The following KLHL31 variants were observed in gnomAD, a reference collection of about 807,000 sequenced individuals.
KLHL31 encodes the protein kelch like family member 31.
A neutral mutation model predicts 47.1 loss-of-function variants in KLHL31; 32 were observed. The observed-to-expected ratio is 0.68, with a 90% CI of 0.51 to 0.91. KLHL31 has a LOEUF of 0.91. Ranked by LOEUF, KLHL31 falls within the 40% of genes least tolerant of loss-of-function variation. KLHL31 has a pLI of 0.00. For missense variants in KLHL31, 797 were observed against 819.3 expected (o/e 0.97, Z 0.33); for synonymous variants, 330 against 325.1 (o/e 1.01, Z -0.16).
chr6:53,660,009 C>T (rs1262143293), intron 1 of KLHL31, among the ~76,000 whole-genome samples: 1 of 152,160 alleles, frequency 6.6e-6, no homozygotes, highest in Non-Finnish European at 1.5e-5. Context: ...TAGTCTCTTG[C>T]GCTTGTCCTA....
Position 53,651,422 on chromosome 6 carries a change from G to T in KLHL31, c.*176C>A. ...GCTAAAAAAAAAAAAAAAAAAAAGA[G>T]GTAGATTATGCCATACCAGGAATTT... On this transcript the variant is annotated 3_prime_UTR_variant, in exon 3 of 3. Transcript: ENST00000370905. 2.0e-5 allele frequency: 1 copy of T among 48,972 alleles called. No homozygotes were observed. Among genetic ancestry groups the T allele is most frequent in the Non-Finnish European group, 3.7e-5 (1 of 26,972 alleles). The allele number at this position is 48,972 out of a possible 1,614,324, so 3.0% of individuals were successfully genotyped here. A position where few individuals can be genotyped will look rare whatever the true frequency, so the allele number is the denominator to read the frequency against.
At position 53,665,738 on chromosome 6, in the gene KLHL31, C is replaced by G. The variant is rs1187339181; in HGVS notation, c.-171G>C. On this transcript the variant is annotated 5_prime_UTR_variant, in exon 1 of 3. Coordinates refer to ENST00000370905, the MANE Select transcript of KLHL31 (RefSeq NM_001003760.5). ...AGCCACCAGCAGCCACCTGACAAGA[C>G]CCGGCTGCAGCAATTTTTAGAGTGA... The G allele has an allele frequency of 6.6e-6, 1 of 152,268 alleles. No individual in the cohort carries two copies. The highest frequency in any genetic ancestry group is 2.4e-5 in the African/African-American group (1 of 41,400). The allele number at this position is 152,268 out of a possible 1,614,324, so 9.4% of individuals were successfully genotyped here.
rs1554164424 is a variant in KLHL31 at position 53,648,457 on chromosome 6, A to G, written c.*3141T>C. The stretch of plus-strand genomic sequence containing the variant: ...CTTGGCCAGGATAACCAGCAAAAAA[A>G]TAAAATTAAAAAATTGACCTTTTAG... On this transcript the variant is annotated 3_prime_UTR_variant, in exon 3 of 3. Coordinates refer to ENST00000370905, the MANE Select transcript of KLHL31 (RefSeq NM_001003760.5). 2 of 152,214 alleles carry G rather than the reference A, an allele frequency of 1.3e-5. No individual in the cohort carries two copies. Among genetic ancestry groups the G allele is most frequent in the African/African-American group, 4.8e-5 (2 of 41,464 alleles). 9.4% of individuals were successfully genotyped at this position (152,214 alleles called of 1,614,324 possible).
chr6:53,660,282 G>A (rs1182113238), intron 1 of KLHL31, among the ~76,000 whole-genome samples: 4 of 152,112 alleles, frequency 2.6e-5, no homozygotes, highest in South Asian at 2.1e-4. Context: ...GTTGTTGGGT[G>A]TAATGTTCTA....
At chr6:53,662,377 A>G (rs1016590161) in intron 1 of KLHL31, among the ~76,000 whole-genome samples, 1 of 152,186 alleles carries the variant, frequency 6.6e-6, no homozygotes, top group African/African-American at 2.4e-5. Context: ...TGGAAGGAGG[A>G]GCAGGTTTAG....
At chr6:53,662,446 C>T (rs1219681813) in intron 1 of KLHL31, among the ~76,000 whole-genome samples, 3 of 152,212 alleles carry the variant, frequency 2.0e-5, no homozygotes, top group African/African-American at 4.8e-5. Flanking sequence ...CTGCCAGTCC[C>T]TTCCCTTTTT....
chr6:53,659,207 G>A (rs1764612840), intron 1 of KLHL31, among the ~76,000 whole-genome samples: 1 of 152,078 alleles, frequency 6.6e-6, no homozygotes, highest in African/African-American at 2.4e-5. Flanking sequence ...AGGCAATATG[G>A]GACAGTCACA....
At position 53,654,296 on chromosome 6, in the gene KLHL31, C is replaced by T; in HGVS notation, c.977G>A (p.Gly326Asp). Residue 326 changes from glycine (G) to aspartate (D), a missense_variant, in exon 2 of 3, where the codon GGC (glycine) becomes GAC (aspartate). Coordinates refer to ENST00000370905, the MANE Select transcript of KLHL31 (RefSeq NM_001003760.5). ...TCTGCTAAGGGACTTCTCAGTAAGGCCTGGGCGTCCCCCAACAGTGACGAG... is the reference window on the plus strand; with the variant it reads ...TCTGCTAAGGGACTTCTCAGTAAGGTCTGGGCGTCCCCCAACAGTGACGAG... ...RVLVTVGGRP[G>D]LTEKSLSRDI... is the part of the protein sequence containing the mutation. 1.2e-6 allele frequency: 2 copies of T among 1,614,172 alleles called. No individual in the cohort carries two copies. The highest frequency in any genetic ancestry group is 1.1e-5 in the South Asian group (1 of 91,074).
chr6:53,652,598 G>T (rs906087068), intron 2 of KLHL31, among the ~76,000 whole-genome samples: 1 of 152,182 alleles, frequency 6.6e-6, no homozygotes, highest in Non-Finnish European at 1.5e-5. Context: ...GGGCCACTTG[G>T]AGAAGAGCCC....
At chr6:53,660,492 A>C (rs1764629037) in intron 1 of KLHL31, among the ~76,000 whole-genome samples, 2 of 152,298 alleles carry the variant, frequency 1.3e-5, no homozygotes, top group African/African-American at 4.8e-5. Context: ...GAGGAGAAGG[A>C]GAGGAACAGG....
intron 1 of KLHL31, among the ~76,000 whole-genome samples, chr6:53,663,058 A>G (rs1405610400): frequency 6.6e-6 from 1 of 152,118 alleles, no homozygotes; most frequent in African/African-American, 2.4e-5. Context: ...CATTTTACAA[A>G]TGAAGAAATT....
At chr6:53,665,191 A>T (rs1320323046) in intron 1 of KLHL31, among the ~76,000 whole-genome samples, 1 of 152,178 alleles carries the variant, frequency 6.6e-6, no homozygotes, top group Non-Finnish European at 1.5e-5. Context: ...TGTTAAAATG[A>T]TTCTTGATAA....
chr6:53,659,746 G>A (rs2478345), intron 1 of KLHL31, among the ~76,000 whole-genome samples: 147,932 of 152,296 alleles, frequency 0.97, 71,982 homozygotes, highest in Middle Eastern at 1. Context: ...TGCCAGGAAG[G>A]CTTGAACCTG....
At chr6:53,655,645 C>T (rs192971700) in intron 1 of KLHL31, among the ~76,000 whole-genome samples, 44 of 145,358 alleles carry the variant, frequency 3.0e-4, no homozygotes, top group East Asian at 1.4e-3. Flanking sequence ...CTCTATCTGT[C>T]GCTCAGGCTG....
chr6:53,661,280 G>C (rs1764641427), intron 1 of KLHL31, among the ~76,000 whole-genome samples: 1 of 152,116 alleles, frequency 6.6e-6, no homozygotes, highest in South Asian at 2.1e-4. Context: ...CTTTATGGGG[G>C]ATCAGAACCC....
chr6:53,656,930 A>C, intron 1 of KLHL31, among the ~76,000 whole-genome samples: 1 of 41,370 alleles, frequency 2.4e-5, no homozygotes, highest in African/African-American at 8.7e-5. Flanking sequence ...AGTATTTTTA[A>C]CTTTTTTTTT....
Position 53,651,590 on chromosome 6 carries a change from A to G in KLHL31, c.*8T>C. ...GTGTTCTTCCTGCGTCCCTGCATCT[A>G]CCTGGGCTCAGATACTGACTGGCAC... On this transcript the variant is annotated 3_prime_UTR_variant, in exon 3 of 3. Coordinates refer to ENST00000370905, the MANE Select transcript of KLHL31 (RefSeq NM_001003760.5). 6.2e-7 allele frequency: 1 copy of G among 1,605,060 alleles called. No homozygotes were observed. Among genetic ancestry groups the G allele is most frequent in the East Asian group, 2.2e-5 (1 of 44,632 alleles).
At position 53,654,994 on chromosome 6, in the gene KLHL31, T is replaced by A. The variant is rs1364024470; in HGVS notation, c.279A>T (p.Ser93=). The A allele has an allele frequency of 3.1e-6, 5 of 1,614,114 alleles. No homozygotes were observed. The highest frequency in any genetic ancestry group is 1.6e-4 in the Middle Eastern group (1 of 6,084). The change falls in exon 2 of 3, where the codon TCA becomes TCT. Residue 93 remains serine (S), a synonymous_variant. Transcript: ENST00000370905. Reference sequence around the variant, plus strand: ...GGATGTTGTAAAAATACTCACTGCATGAAGCCATGACTGACTTATGAACAT... The same window carrying A: ...GGATGTTGTAAAAATACTCACTGCAAGAAGCCATGACTGACTTATGAACAT... ...SFDVHKSVMA[S]CSEYFYNILK...
At chr6:53,653,472 T>A (rs962247487) in intron 2 of KLHL31, among the ~76,000 whole-genome samples, 7 of 152,244 alleles carry the variant, frequency 4.6e-5, no homozygotes, top group Admixed American at 2.0e-4. Context: ...TAATCATAAA[T>A]ATATAAAATA....
Sources: gnomAD v4.1 joint callset for allele counts (sites outside exome capture counted in the v4.1 genomes callset) on GRCh38, gnomAD v4.1.1 for gene constraint, MANE v1.5 for transcripts, NCBI Gene and HGNC (gene_info 2026-07-23, HGNC 2026-07-21) for gene names.